The following GPR39 variants were observed in gnomAD, a reference collection of about 807,000 sequenced individuals.
GPR39 encodes the protein zinc sensing receptor.
GPR39 carries 23 observed loss-of-function variants against 18.4 expected under a neutral mutation model. The observed-to-expected ratio is 1.25, with a 90% CI of 0.90 to 1.77. GPR39 has a LOEUF of 1.77. Ranked by LOEUF, GPR39 falls within the 40% of genes most tolerant of loss-of-function variation. GPR39 has a pLI of 0.00. For synonymous variants in GPR39, 280 were observed against 257.9 expected (o/e 1.09, Z -0.82); for missense variants, 647 against 602.4 (o/e 1.07, Z -0.78).
intron 1 of GPR39, among the ~76,000 whole-genome samples, chr2:132,434,506 G>A (rs1413944388): frequency 6.6e-6 from 1 of 152,138 alleles, no homozygotes; most frequent in East Asian, 1.9e-4. Context: ...AGCCCCATGA[G>A]GTCAACACTG....
At chr2:132,452,328 T>C (rs2104771532) in intron 1 of GPR39, among the ~76,000 whole-genome samples, 1 of 152,312 alleles carries the variant, frequency 6.6e-6, no homozygotes, top group Admixed American at 6.5e-5. Context: ...TTCTGGAAAA[T>C]GTATTGAGTT....
intron 1 of GPR39, among the ~76,000 whole-genome samples, chr2:132,630,955 A>G (rs1226491008): frequency 2.6e-5 from 4 of 152,144 alleles, no homozygotes; most frequent in African/African-American, 9.7e-5. Flanking sequence ...AAGCTCTCCA[A>G]GCTGTGATGT....
At chr2:132,461,670 C>T (rs1680834094) in intron 1 of GPR39, among the ~76,000 whole-genome samples, 2 of 152,168 alleles carry the variant, frequency 1.3e-5, no homozygotes, top group Admixed American at 1.3e-4. Context: ...TGTCGTAAAT[C>T]CCCCATCACA....
In GPR39 at chr2:132,628,111, C is replaced by T. The variant is rs139345432; in HGVS notation, c.857-16990C>T. ...TGCATCTCAGGGCATGGACTGCCCC[C>T]AGCCCCCAAACATGCACCTGAGCAA... On this transcript the variant is annotated intron_variant, in intron 1 of 1. Transcript: ENST00000329321. Among the ~76,000 whole-genome samples the T allele has an allele frequency of 9.2e-5, 14 of 152,314 alleles. No homozygotes were observed. In the East Asian group the frequency reaches 2.7e-3, roughly 29 times the overall value.
At chr2:132,539,728 TC>T (rs1679829963) in intron 1 of GPR39, among the ~76,000 whole-genome samples, 2 of 152,150 alleles carry the variant, frequency 1.3e-5, no homozygotes, top group African/African-American at 4.8e-5. Flanking sequence ...AGCATCTACT[TC>T]TGTCATATTC....
rs188564738 is a variant in GPR39, at chr2:132,450,073, G to T, written c.856+32175G>T. ...GTCTGTACCATGTGGAACCATCAGG[G>T]TTTCCCTTGCCCTTTGTCTGTTCCA... On this transcript the variant is annotated intron_variant, in intron 1 of 1. Transcript: ENST00000329321. Among the ~76,000 whole-genome samples, 346 of 152,282 alleles carry T rather than the reference G, an allele frequency of 2.3e-3. 1 individual carries two copies. Among genetic ancestry groups the T allele is most frequent in the Middle Eastern group, 0.01 (3 of 294 alleles).
At chr2:132,598,216 T>C (rs1021067038) in intron 1 of GPR39, among the ~76,000 whole-genome samples, 1 of 152,212 alleles carries the variant, frequency 6.6e-6, no homozygotes, top group East Asian at 1.9e-4. Flanking sequence ...ATTTAGTTAG[T>C]ATCTAGGCAC....
intron 1 of GPR39, among the ~76,000 whole-genome samples, chr2:132,480,035 A>G (rs771900641): frequency 4.6e-5 from 7 of 152,236 alleles, no homozygotes; most frequent in African/African-American, 7.2e-5. Flanking sequence ...CCAAATGTCC[A>G]TCAACAGATG....
Position 132,417,774 on chromosome 2 carries a change from C to T in GPR39, c.732C>T (p.Asn244=), listed in dbSNP as rs1573591488. 1 of 1,614,220 alleles carries T rather than the reference C, an allele frequency of 6.2e-7. No homozygotes were observed. The highest frequency in any genetic ancestry group is 2.2e-5 in the East Asian group (1 of 44,878). ...TCTCCGTAGCCTTCATGTGCTGGAA[C>T]ATGATGCAGGTGCTCATGAAAAGCC... The part of the protein sequence containing the change: ...VLLSVAFMCW[N]MMQVLMKSQK... Residue 244 remains asparagine (N), a synonymous_variant, in exon 1 of 2, where the codon AAC becomes AAT. Coordinates refer to ENST00000329321, the MANE Select transcript of GPR39 (RefSeq NM_001508.3).
chr2:132,522,064 C>T (rs1164664033), intron 1 of GPR39, among the ~76,000 whole-genome samples: 1 of 152,134 alleles, frequency 6.6e-6, no homozygotes, highest in Non-Finnish European at 1.5e-5. Context: ...AGCATGGAGG[C>T]AAGCTCTTCT....
intron 1 of GPR39, among the ~76,000 whole-genome samples, chr2:132,605,928 A>G (rs1018466784): frequency 6.6e-6 from 1 of 152,146 alleles, no homozygotes; most frequent in Non-Finnish European, 1.5e-5. Flanking sequence ...TGTCACTTTC[A>G]TTTAGTGGGC....
chr2:132,589,023 C>T (rs1680780757), intron 1 of GPR39, among the ~76,000 whole-genome samples: 1 of 152,146 alleles, frequency 6.6e-6, no homozygotes, highest in East Asian at 1.9e-4. Context: ...AATGCCTAAA[C>T]AACTGGTTGG....
chr2:132,419,578 G>A (rs555572088), intron 1 of GPR39, among the ~76,000 whole-genome samples: 1 of 152,242 alleles, frequency 6.6e-6, no homozygotes, highest in African/African-American at 2.4e-5. Context: ...TCACCCACTG[G>A]TTGCTACTAC....
At chr2:132,612,731 T>C (rs898333264) in intron 1 of GPR39, among the ~76,000 whole-genome samples, 7 of 152,252 alleles carry the variant, frequency 4.6e-5, no homozygotes, top group African/African-American at 1.7e-4. Flanking sequence ...TTATTGTAAC[T>C]TTATAATACG....
At chr2:132,555,088 A>C (rs1196457848) in intron 1 of GPR39, among the ~76,000 whole-genome samples, 1 of 152,044 alleles carries the variant, frequency 6.6e-6, no homozygotes, top group African/African-American at 2.4e-5. Flanking sequence ...AGTAGCTGGG[A>C]CTACAGGTGC....
intron 1 of GPR39, among the ~76,000 whole-genome samples, chr2:132,605,100 C>T (rs1320365265): frequency 6.6e-6 from 1 of 152,178 alleles, no homozygotes; most frequent in African/African-American, 2.4e-5. Flanking sequence ...AAGAAACATT[C>T]CCAAGGTCAC....
At chr2:132,551,623 A>C (rs1159038664) in intron 1 of GPR39, among the ~76,000 whole-genome samples, 2 of 152,230 alleles carry the variant, frequency 1.3e-5, no homozygotes, top group African/African-American at 4.8e-5. Context: ...TTTCCCAACC[A>C]AAGGCTTATC....
chr2:132,623,294 C>T (rs1464250286), intron 1 of GPR39, among the ~76,000 whole-genome samples: 1 of 152,122 alleles, frequency 6.6e-6, no homozygotes, highest in East Asian at 1.9e-4. Flanking sequence ...CATTGACTTG[C>T]CTAAAGCCAC....
intron 1 of GPR39, among the ~76,000 whole-genome samples, chr2:132,512,605 C>T (rs1407159614): frequency 3.3e-5 from 5 of 152,168 alleles, no homozygotes; most frequent in Non-Finnish European, 5.9e-5. Flanking sequence ...ACCTCATCTC[C>T]CTGAGCCTCT....
Sources: gnomAD v4.1 joint callset for allele counts (sites outside exome capture counted in the v4.1 genomes callset) on GRCh38, gnomAD v4.1.1 for gene constraint, MANE v1.5 for transcripts, NCBI Gene and HGNC (gene_info 2026-07-23, HGNC 2026-07-21) for gene names.